Variants in VPS13B observed in about 807,000 individuals in gnomAD.
VPS13B encodes the protein vacuolar protein sorting 13 homolog B.
In VPS13B, 285 loss-of-function variants were observed where a neutral mutation model predicts 426.4. The observed-to-expected ratio is 0.67, with a 90% CI of 0.61 to 0.74. VPS13B has a LOEUF of 0.74. VPS13B is among the 30% of genes least tolerant of loss of function. The pLI is 0.00. For synonymous variants in VPS13B, 1,676 were observed against 1,676.4 expected, an observed-to-expected ratio of 1.00 and a Z score of 0.01; for missense variants, 4,537 against 4,782.6, an observed-to-expected ratio of 0.95 and a Z score of 1.51.
chr8:99,528,314 C>A (rs1056928476), intron 30 of VPS13B, among the ~76,000 whole-genome samples: 1 of 151,776 alleles, frequency 6.6e-6, no homozygotes, highest in African/African-American at 2.4e-5. Context: ...ACATTTATGC[C>A]CTTCCTTTGC....
intron 25 of VPS13B, among the ~76,000 whole-genome samples, chr8:99,484,123 A>G (rs1237403860): frequency 2.0e-4 from 30 of 152,180 alleles, no homozygotes; most frequent in Non-Finnish European, 1.0e-4. Context: ...GTATAATAAT[A>G]CATACTAGAA....
chr8:99,344,552 A>G (rs1357661462), intron 19 of VPS13B, among the ~76,000 whole-genome samples: 1 of 152,204 alleles, frequency 6.6e-6, no homozygotes, highest in Non-Finnish European at 1.5e-5. Flanking sequence ...TTAGAAGAGC[A>G]AGAGACTTCT....
At chr8:99,442,140 C>A (rs932843948) in intron 22 of VPS13B, among the ~76,000 whole-genome samples, 3 of 152,130 alleles carry the variant, frequency 2.0e-5, no homozygotes, top group Non-Finnish European at 4.4e-5. Flanking sequence ...TGCCAGCACA[C>A]TTTCTAACTC....
intron 33 of VPS13B, among the ~76,000 whole-genome samples, chr8:99,596,832 G>A (rs1452080404): frequency 2.0e-5 from 3 of 151,922 alleles, no homozygotes; most frequent in Non-Finnish European, 4.4e-5. Context: ...TTTTTCTGCT[G>A]TGTGCCCTGC....
At chr8:99,046,424 T>TA (rs911174691) in intron 3 of VPS13B, among the ~76,000 whole-genome samples, 47 of 152,204 alleles carry the variant, frequency 3.1e-4, no homozygotes, top group African/African-American at 1.1e-3. Flanking sequence ...TTTTTTTTTT[T>TA]ATCAGTTCTA....
chr8:99,529,463 C>T (rs542565201), intron 30 of VPS13B, among the ~76,000 whole-genome samples: 11 of 151,854 alleles, frequency 7.2e-5, no homozygotes, highest in South Asian at 4.2e-4. Context: ...TGTTTTGAAC[C>T]GAGAAAATAT....
chr8:99,313,084 G>C (rs1821103897), intron 19 of VPS13B, among the ~76,000 whole-genome samples: 1 of 152,048 alleles, frequency 6.6e-6, no homozygotes, highest in Non-Finnish European at 1.5e-5. Context: ...CTTTTTTCAA[G>C]GTTTTCAGCT....
At chr8:99,134,812 A>G in intron 9 of VPS13B, 85 bp downstream of exon 9, 1 of 1,257,096 alleles carries the variant, frequency 8.0e-7, no homozygotes, top group Non-Finnish European at 1.1e-6. Context: ...GATGTAGTGT[A>G]TTTAAAAATA....
chr8:99,140,464 T>A (rs185739101), intron 12 of VPS13B, among the ~76,000 whole-genome samples: 10 of 152,168 alleles, frequency 6.6e-5, no homozygotes, highest in Non-Finnish European at 1.3e-4. Flanking sequence ...TAGTATCTTG[T>A]CCACATTATA....
chr8:99,626,913 T>A (rs1224600964), intron 33 of VPS13B, among the ~76,000 whole-genome samples: 1 of 151,918 alleles, frequency 6.6e-6, no homozygotes, highest in East Asian at 1.9e-4. Flanking sequence ...ATGTGGTATA[T>A]GTCAACAATG....
intron 57 of VPS13B, among the ~76,000 whole-genome samples, chr8:99,860,521 A>G (rs1018706655): frequency 3.3e-5 from 5 of 152,186 alleles, no homozygotes; most frequent in African/African-American, 1.2e-4. Context: ...TTTTCAGCCT[A>G]CTGACTCACT....
intron 15 of VPS13B, among the ~76,000 whole-genome samples, chr8:99,168,032 A>G (rs1219807905): frequency 2.6e-5 from 4 of 152,134 alleles, no homozygotes; most frequent in African/African-American, 2.4e-5. Flanking sequence ...TTGTAAATCT[A>G]TGTATCTGAT....
intron 17 of VPS13B, among the ~76,000 whole-genome samples, chr8:99,195,433 G>A (rs1418662602): frequency 6.6e-6 from 1 of 152,040 alleles, no homozygotes; most frequent in African/African-American, 2.4e-5. Context: ...TGAGTTATTT[G>A]TTTTCTTATT....
chr8:99,660,698 A>G (rs375197367), intron 34 of VPS13B, among the ~76,000 whole-genome samples: 1 of 152,080 alleles, frequency 6.6e-6, no homozygotes, highest in East Asian at 1.9e-4. Flanking sequence ...AATATACAAT[A>G]TTACCCAGAA....
At chr8:99,440,605 A>G (rs551531409) in intron 22 of VPS13B, among the ~76,000 whole-genome samples, 220 of 152,242 alleles carry the variant, frequency 1.4e-3, no homozygotes, top group African/African-American at 5.0e-3. Context: ...CTCACAACAT[A>G]TATTTTAGAA....
At chr8:99,186,248 A>G (rs959159823) in intron 16 of VPS13B, among the ~76,000 whole-genome samples, 1 of 152,112 alleles carries the variant, frequency 6.6e-6, no homozygotes, top group Non-Finnish European at 1.5e-5. Flanking sequence ...GAAGTTAGAA[A>G]TTTTTGGTAT....
At chr8:99,562,267 T>C (rs978386766) in intron 31 of VPS13B, among the ~76,000 whole-genome samples, 4 of 151,876 alleles carry the variant, frequency 2.6e-5, no homozygotes, top group Non-Finnish European at 4.4e-5. Context: ...TATTTGTCTT[T>C]TGCCCCCCCC....
Position 99,384,247 on chromosome 8 carries a change from A to T in VPS13B, c.2864A>T (p.Asn955Ile), listed in dbSNP as rs771483197. The change falls in exon 20 of 62, where the codon AAT (asparagine) becomes ATT (isoleucine). Residue 955 changes from asparagine to isoleucine, a missense_variant. This residue lies in a region of VPS13B where 4,311 missense variants were observed against 4,474.3 expected (regional missense o/e 0.96). Transcript: ENST00000357162. ...LLCSIQGLAV[N>I]IDPILYTWLI... ...TGCAGTATACAAGGACTAGCAGTTA[A>T]TATTGACCCAATCTTATATACGTGG... 1.2e-6 allele frequency: 2 copies of T among 1,614,040 alleles called. No homozygotes were observed. The highest frequency in any genetic ancestry group is 2.2e-5 in the South Asian group (2 of 91,082).
chr8:99,865,696 G>A (rs933485584), intron 58 of VPS13B, among the ~76,000 whole-genome samples: 4 of 152,222 alleles, frequency 2.6e-5, no homozygotes, highest in South Asian at 2.1e-4. Context: ...AAAAAGAAGC[G>A]CTGAGCTGGA....
Sources: allele counts gnomAD v4.1 joint callset (sites outside exome capture counted in the v4.1 genomes callset), GRCh38; gene constraint gnomAD v4.1.1; regional missense constraint gnomAD v4.1.1; transcripts MANE v1.5; gene names NCBI Gene and HGNC (gene_info 2026-07-23, HGNC 2026-07-21).